Variants in ARHGEF18 observed in about 807,000 individuals in gnomAD.
The protein encoded by ARHGEF18 is Rho/Rac guanine nucleotide exchange factor 18, also known as rho guanine nucleotide exchange factor 18.
ARHGEF18 carries 93 observed loss-of-function variants against 155.7 expected under a neutral mutation model. The observed-to-expected ratio is 0.60, with a 90% CI of 0.50 to 0.71. ARHGEF18 has a LOEUF of 0.71. Ranked by LOEUF, ARHGEF18 falls within the 30% of genes least tolerant of loss-of-function variation. ARHGEF18 has a pLI of 0.00. For synonymous variants in ARHGEF18, 742 were observed against 753.1 expected (o/e 0.99, Z 0.24); for missense variants, 1,593 against 1,816.1 (o/e 0.88, Z 2.23).
intron 10 of ARHGEF18, among the ~76,000 whole-genome samples, chr19:7,423,578 G>T (rs115222583): frequency 6.6e-6 from 1 of 151,808 alleles, no homozygotes; most frequent in Non-Finnish European, 1.5e-5. Flanking sequence ...ATGCATGGCC[G>T]TAATCCCAGC....
At chr19:7,390,935 G>T (rs764529573) in intron 10 of ARHGEF18, among the ~76,000 whole-genome samples, 6 of 152,132 alleles carry the variant, frequency 3.9e-5, no homozygotes, top group Non-Finnish European at 7.3e-5. Context: ...AGCTACTTGG[G>T]AGACTGAGGC....
intron 1 of ARHGEF18, among the ~76,000 whole-genome samples, chr19:7,361,564 T>A (rs1191557937): frequency 6.6e-6 from 1 of 152,182 alleles, no homozygotes; most frequent in Admixed American, 6.5e-5. Flanking sequence ...ATTGCGTACA[T>A]CTGTATGCAA....
At position 7,362,887 on chromosome 19, in the gene ARHGEF18, T is replaced by C. The variant is rs1410167457; in HGVS notation, c.-4T>C. 1.6e-6 allele frequency: 2 copies of C among 1,234,218 alleles called. No individual in the cohort carries two copies. Among genetic ancestry groups the C allele is most frequent in the Admixed American group, 4.2e-5 (1 of 23,684 alleles). 76.5% of individuals were successfully genotyped at this position (1,234,218 alleles called of 1,614,324 possible). On this transcript the variant is annotated 5_prime_UTR_variant, in exon 2 of 29. Coordinates refer to ENST00000668164, the MANE Select transcript of ARHGEF18 (RefSeq NM_001367823.1). ...AACCTGAGAACCCAGACTTCTTCTCTGCCATGGGGGATGATCAGGCAGGTG... is the reference window on the plus strand; with the variant it reads ...AACCTGAGAACCCAGACTTCTTCTCCGCCATGGGGGATGATCAGGCAGGTG...
intron 2 of ARHGEF18, among the ~76,000 whole-genome samples, chr19:7,369,436 A>G (rs373042574): frequency 9.7e-4 from 146 of 150,268 alleles, no homozygotes; most frequent in Non-Finnish European, 1.8e-3. Context: ...ACTCCAGCCT[A>G]GGCAACAAGA....
Position 7,440,054 on chromosome 19 carries a change from C to T in ARHGEF18, c.968-290C>T. ...GGATCCCACCGAGGCATAAAAACGG[C>T]GCAGCCCAGCCTGGCGCCGCGCCGG... On this transcript the variant is annotated intron_variant, in intron 10 of 28. Transcript: ENST00000668164. The surrounding 1 kb of genome is among the most constrained non-coding windows in gnomAD (Gnocchi z 5.4). The T allele has an allele frequency of 2.6e-6, 4 of 1,550,640 alleles. No homozygotes were observed. The highest frequency in any genetic ancestry group is 1.2e-5 in the South Asian group (1 of 84,020).
intron 15 of ARHGEF18, among the ~76,000 whole-genome samples, chr19:7,450,018 C>T (rs1346193645): frequency 6.6e-6 from 1 of 152,138 alleles, no homozygotes; most frequent in African/African-American, 2.4e-5. Context: ...TCCCTGCGTT[C>T]AGGTATCTGG....
chr19:7,387,647 C>T lies in ARHGEF18; in HGVS notation c.967+4444C>T, dbSNP rs373446646. 3.9e-5 allele frequency among the ~76,000 whole-genome samples: 6 copies of T among 152,044 alleles called. No individual in the cohort carries two copies. In the East Asian group the frequency reaches 7.7e-4, roughly 20 times the overall value. On this transcript the variant is annotated intron_variant, in intron 10 of 28. Transcript: ENST00000668164. ...CGCCTGTTCATTTATGTATCACCTT[C>T]GGTGGTTCCCAAGCTACATCTTTGC...
chr19:7,442,674 G>A (rs966758683), intron 13 of ARHGEF18, among the ~76,000 whole-genome samples: 1 of 152,178 alleles, frequency 6.6e-6, no homozygotes, highest in Non-Finnish European at 1.5e-5. Flanking sequence ...TTCTTCCCTT[G>A]TTGGTGGCTG....
chr19:7,360,317 C>G (rs1969494203), intron 1 of ARHGEF18, among the ~76,000 whole-genome samples: 1 of 151,892 alleles, frequency 6.6e-6, no homozygotes, highest in South Asian at 2.1e-4. Flanking sequence ...TTCACTGCAT[C>G]CTGCCCTTCC....
In ARHGEF18 at chr19:7,367,815, TTATATATATATACACATATATATATTTTA is replaced by T. The variant is rs1568270101; in HGVS notation, c.15+4934_16-4945del. ...ATATATATATACACATATATATATT[TTATATATATATACACATATATATATTTTA>T]TATATATATATACACATATATATTT... On this transcript the variant is annotated intron_variant, in intron 2 of 28. Coordinates refer to ENST00000668164, the MANE Select transcript of ARHGEF18 (RefSeq NM_001367823.1). 1.2e-4 allele frequency among the ~76,000 whole-genome samples: 15 copies of T among 121,252 alleles called. 1 individual carries two copies. Among genetic ancestry groups the T allele is most frequent in the African/African-American group, 6.1e-4 (15 of 24,496 alleles). 79.5% of individuals were successfully genotyped at this position (121,252 alleles called of 152,430 possible).
At position 7,444,589 on chromosome 19, in the gene ARHGEF18, C is replaced by A; in HGVS notation, c.1611+135C>A. ...GCAGTGGTGCAGTCACAGCTCAATG[C>A]AGCCTCAACCTCTCAGGCTCAGGTG... On this transcript the variant is annotated intron_variant, in intron 14 of 28. Transcript: ENST00000668164. The surrounding 1 kb of genome is among the most constrained non-coding windows in gnomAD (Gnocchi z 4.7). 1 of 1,268,788 alleles carries A rather than the reference C, an allele frequency of 7.9e-7. No homozygotes were observed. The highest frequency in any genetic ancestry group is 1.1e-6 in the Non-Finnish European group (1 of 939,198). The allele number at this position is 1,268,788 out of a possible 1,614,324, so 78.6% of individuals were successfully genotyped here.
chr19:7,369,609 CA>C (rs1970108796), intron 2 of ARHGEF18, among the ~76,000 whole-genome samples: 1 of 151,676 alleles, frequency 6.6e-6, no homozygotes, highest in Non-Finnish European at 1.5e-5. Context: ...GCAGCCTGGC[CA>C]AGATGGTGAA....
intron 1 of ARHGEF18, among the ~76,000 whole-genome samples, chr19:7,354,931 C>T (rs768308337): frequency 1.6e-4 from 25 of 151,898 alleles, no homozygotes; most frequent in Non-Finnish European, 2.8e-4. Context: ...AAAACAGAAA[C>T]AGATGAAGAC....
Position 7,395,996 on chromosome 19 carries a change from C to T in ARHGEF18, c.967+12793C>T, listed in dbSNP as rs1971684027. ...AGATAGTTTCAACCCTTGACCTCCT[C>T]CTTCCCTTCCCGCTCTAGTAGAGCC... On this transcript the variant is annotated intron_variant, in intron 10 of 28. Transcript: ENST00000668164. The surrounding 1 kb of genome is among the most constrained non-coding windows in gnomAD (Gnocchi z 5.0). 2.0e-5 allele frequency among the ~76,000 whole-genome samples: 3 copies of T among 152,196 alleles called. No individual in the cohort carries two copies. In the South Asian group the frequency reaches 6.2e-4, roughly 32 times the overall value.
chr19:7,450,576 C>CCGTTTCCGAGATGTTAATACAG (rs1568347610), intron 15 of ARHGEF18, among the ~76,000 whole-genome samples: 3 of 26,346 alleles, frequency 1.1e-4, no homozygotes, highest in East Asian at 1.1e-3. Context: ...GTGTGAATGT[C>CCGTTTCCGAGATGTTAATACAG]GATCTTGCTT....
chr19:7,410,253 T>C (rs1972595783), intron 10 of ARHGEF18, among the ~76,000 whole-genome samples: 1 of 152,084 alleles, frequency 6.6e-6, no homozygotes, highest in Non-Finnish European at 1.5e-5. Flanking sequence ...TGTGACTGAT[T>C]GCTTTTGATC....
rs1156629095 is a variant in ARHGEF18 at position 7,385,763 on chromosome 19, A to G, written c.967+2560A>G. Among the ~76,000 whole-genome samples, 3 of 150,546 alleles carry G rather than the reference A, an allele frequency of 2.0e-5. No individual in the cohort carries two copies. The East Asian group carries it at 5.9e-4, about 29-fold the overall frequency. On this transcript the variant is annotated intron_variant, in intron 10 of 28. Coordinates refer to ENST00000668164, the MANE Select transcript of ARHGEF18 (RefSeq NM_001367823.1). ...AGTGCTGGGATTACAGGCGTGAGCCACCGCGCCTGGCCTGTCACCTGGGAA... is the reference window on the plus strand; with the variant it reads ...AGTGCTGGGATTACAGGCGTGAGCCGCCGCGCCTGGCCTGTCACCTGGGAA...
intron 3 of ARHGEF18, among the ~76,000 whole-genome samples, chr19:7,373,497 A>T (rs1970298185): frequency 1.5e-5 from 2 of 133,246 alleles, no homozygotes. Context: ...TTTTTTTGAG[A>T]TGGAGTCTCA....
chr19:7,407,044 G>A (rs1279138911), intron 10 of ARHGEF18, among the ~76,000 whole-genome samples: 4 of 137,208 alleles, frequency 2.9e-5, no homozygotes, highest in African/African-American at 1.1e-4. Flanking sequence ...CAGCCTGGGC[G>A]ACAAGGCAAG....
Sources: allele counts gnomAD v4.1 joint callset (sites outside exome capture counted in the v4.1 genomes callset), GRCh38; gene constraint gnomAD v4.1.1; non-coding constraint Gnocchi (gnomAD v3.1); transcripts MANE v1.5; gene names NCBI Gene and HGNC (gene_info 2026-07-23, HGNC 2026-07-21).